FANK1: variants seen among roughly 807,000 people sequenced by gnomAD.
FANK1 encodes fibronectin type III and ankyrin repeat domains 1.
Under a neutral mutation model 45.3 loss-of-function variants are expected in FANK1, and 44 were observed. That is an observed-to-expected ratio of 0.97 (90% confidence interval 0.76 to 1.25). The LOEUF is 1.25. FANK1 is among the 50% of genes most tolerant of loss of function. FANK1 has a pLI of 0.00. For synonymous variants in FANK1, 149 were observed against 152.5 expected, an observed-to-expected ratio of 0.98 and a Z score of 0.17; for missense variants, 391 against 424.4, an observed-to-expected ratio of 0.92 and a Z score of 0.69.
At chr10:125,993,976 C>T (rs990147144) in intron 3 of FANK1, among the ~76,000 whole-genome samples, 3 of 152,180 alleles carry the variant, frequency 2.0e-5, no homozygotes, top group Non-Finnish European at 4.4e-5. Flanking sequence ...TTGCCCAATT[C>T]ACTTGGCACC....
intron 2 of FANK1, among the ~76,000 whole-genome samples, chr10:125,981,784 C>T (rs1951236932): frequency 6.6e-6 from 1 of 152,146 alleles, no homozygotes; most frequent in African/African-American, 2.4e-5. Context: ...AGGATATTGG[C>T]ATTGATGCAG....
chr10:125,996,721 A>G, intron 5 of FANK1, 97 bp downstream of exon 5: 3 of 1,152,542 alleles, frequency 2.6e-6, no homozygotes, highest in African/African-American at 1.6e-5. Context: ...AAAAAGGGCC[A>G]TGGAGGAACC....
chr10:125,922,582 T>A (rs1247029590), intron 1 of FANK1, among the ~76,000 whole-genome samples: 1 of 152,184 alleles, frequency 6.6e-6, no homozygotes, highest in Admixed American at 6.6e-5. Flanking sequence ...AGTGGCATGA[T>A]CAGGGATCAC....
At chr10:125,997,508 A>G (rs1471206310) in intron 6 of FANK1, 23 bp downstream of exon 6, 1 of 1,606,522 alleles carries the variant, frequency 6.2e-7, no homozygotes. Context: ...ATATGACTGA[A>G]ATTGTGCTGA....
intron 1 of FANK1, chr10:125,960,254 A>G (rs910740930): frequency 2.4e-5 from 7 of 296,680 alleles, no homozygotes; most frequent in Admixed American, 3.7e-5. Flanking sequence ...CTGCTGGAAC[A>G]CTGACCAGCA....
chr10:125,952,171 C>G (rs2134167938), intron 1 of FANK1, among the ~76,000 whole-genome samples: 1 of 151,906 alleles, frequency 6.6e-6, no homozygotes, highest in South Asian at 2.1e-4. Flanking sequence ...CAGGAATTTT[C>G]ACAAATTTTA....
intron 6 of FANK1, among the ~76,000 whole-genome samples, chr10:126,001,066 A>G (rs190079168): frequency 1.3e-5 from 2 of 152,246 alleles, no homozygotes; most frequent in East Asian, 1.9e-4. Flanking sequence ...CTGGAAAGCA[A>G]TTTGGAAATG....
At chr10:125,919,566 C>G (rs1235073541) in intron 1 of FANK1, among the ~76,000 whole-genome samples, 1 of 151,898 alleles carries the variant, frequency 6.6e-6, no homozygotes, top group Non-Finnish European at 1.5e-5. Context: ...AGACTCATTT[C>G]TTTGAATAAG....
intron 1 of FANK1, among the ~76,000 whole-genome samples, chr10:125,956,094 T>C (rs1405354690): frequency 2.0e-5 from 3 of 151,590 alleles, no homozygotes; most frequent in Non-Finnish European, 2.9e-5. Flanking sequence ...ATAAAGAATT[T>C]TGCTGTATCA....
rs1401155666 is a variant in FANK1 at position 125,965,013 on chromosome 10, C to G, written c.14-15148C>G. Among the ~76,000 whole-genome samples the G allele has an allele frequency of 2.0e-5, 3 of 152,188 alleles. No homozygotes were observed. The East Asian group carries it at 5.8e-4, about 29-fold the overall frequency. On this transcript the variant is annotated intron_variant, in intron 1 of 10. Coordinates refer to ENST00000368693, the MANE Select transcript of FANK1 (RefSeq NM_145235.5). ...GTCTCTACTAAAAATACAGAATTAG[C>G]CATGTGTGGTGGTGCATGCCTATAA...
intron 6 of FANK1, among the ~76,000 whole-genome samples, chr10:126,003,491 G>A (rs1390697130): frequency 6.6e-6 from 1 of 152,108 alleles, no homozygotes; most frequent in Non-Finnish European, 1.5e-5. Context: ...TACATCCATT[G>A]GGAGGCCTGT....
At chr10:125,911,314 G>A (rs1418548781) in intron 1 of FANK1, among the ~76,000 whole-genome samples, 1 of 152,178 alleles carries the variant, frequency 6.6e-6, no homozygotes, top group African/African-American at 2.4e-5. Flanking sequence ...GCATGGAAAC[G>A]GACTCTCCCC....
Position 125,981,496 on chromosome 10 carries a change from C to CAA in FANK1, c.191+1176_191+1177dup, listed in dbSNP as rs60627576. Among the ~76,000 whole-genome samples the CAA allele has an allele frequency of 4.9e-3, 579 of 117,264 alleles. 6 individuals carry two copies. The highest frequency in any genetic ancestry group is 0.014 in the African/African-American group (416 of 29,284). The allele number at this position is 117,264 out of a possible 152,430, so 76.9% of individuals were successfully genotyped here. On this transcript the variant is annotated intron_variant, in intron 2 of 10. Transcript: ENST00000368693. ...TGGGTGACAGAGTGAGACCCTGTCT[C>CAA]AAAAAAAAAAAAAAAAAAAGTTATG...
intron 1 of FANK1, among the ~76,000 whole-genome samples, chr10:125,923,511 G>T (rs1947096700): frequency 6.6e-6 from 1 of 151,572 alleles, no homozygotes; most frequent in African/African-American, 2.4e-5. Flanking sequence ...TGGCATAAAG[G>T]TATTCATAAT....
Position 125,902,287 on chromosome 10 carries a change from TC to T in FANK1, c.13+5633del, listed in dbSNP as rs548745618. On this transcript the variant is annotated intron_variant, in intron 1 of 10. Coordinates refer to ENST00000368693, the MANE Select transcript of FANK1 (RefSeq NM_145235.5). ...AATAATTAAATAAAAAATTCTACTT[TC>T]TTCACTCGACTGTAGGGTGGTGGAA... 3.0e-3 allele frequency among the ~76,000 whole-genome samples: 451 copies of T among 152,360 alleles called. 2 individuals are homozygous for T. Among genetic ancestry groups the T allele is most frequent in the African/African-American group, 9.8e-3 (409 of 41,572 alleles).
At chr10:125,943,406 A>G (rs1948577899) in intron 1 of FANK1, among the ~76,000 whole-genome samples, 2 of 152,296 alleles carry the variant, frequency 1.3e-5, no homozygotes, top group Non-Finnish European at 2.9e-5. Context: ...TTTTTATTAT[A>G]TTCACAAAGT....
chr10:125,998,341 C>G (rs1952499589), intron 6 of FANK1, among the ~76,000 whole-genome samples: 1 of 152,186 alleles, frequency 6.6e-6, no homozygotes, highest in Admixed American at 6.5e-5. Context: ...TTTACATTCT[C>G]TGAACACAAT....
intron 1 of FANK1, among the ~76,000 whole-genome samples, chr10:125,898,331 A>T (rs2366326): frequency 6.6e-6 from 1 of 152,074 alleles, no homozygotes; most frequent in African/African-American, 2.4e-5. Context: ...CTAGGGATTG[A>T]GGATTGAACA....
intron 1 of FANK1, among the ~76,000 whole-genome samples, chr10:125,897,103 C>T (rs546265130): frequency 5.4e-4 from 82 of 152,340 alleles, no homozygotes; most frequent in African/African-American, 1.9e-3. Flanking sequence ...TATTAGAGAC[C>T]CCGTCTTACT....
Sources: allele counts gnomAD v4.1 joint callset (sites outside exome capture counted in the v4.1 genomes callset), GRCh38; gene constraint gnomAD v4.1.1; transcripts MANE v1.5; gene names NCBI Gene and HGNC (gene_info 2026-07-23, HGNC 2026-07-21).